Variants in BLK observed in about 807,000 individuals in gnomAD.
BLK encodes BLK proto-oncogene, Src family tyrosine kinase.
Under a neutral mutation model 61.8 loss-of-function variants are expected in BLK, and 64 were observed. That is an observed-to-expected ratio of 1.03 (90% CI 0.85 to 1.27). The LOEUF is 1.27. Among genes scored for constraint, BLK ranks in the 50% most tolerant of loss-of-function variants. BLK has a pLI of 0.00. For synonymous variants in BLK, 351 were observed against 272.0 expected (o/e 1.29, Z -2.86); for missense variants, 853 against 660.5 (o/e 1.29, Z -3.19).
Position 11,549,139 on chromosome 8 carries a change from A to AC in BLK, c.368+23dup. On this transcript the variant is annotated intron_variant, in intron 5 of 12. Coordinates refer to ENST00000259089, the MANE Select transcript of BLK (RefSeq NM_001715.3). ...AATGGAAAGGTAGGTGGGCACGGGA[A>AC]CCCCCCTCGAGCCAAGATGCAGTCA... 1.3e-6 allele frequency: 2 copies of AC among 1,574,326 alleles called. No individual in the cohort carries two copies. Among genetic ancestry groups the AC allele is most frequent in the Admixed American group, 1.8e-5 (1 of 54,260 alleles).
At chr8:11,509,470 G>A (rs370584597) in intron 1 of BLK, 41 of 152,346 alleles carry the variant, frequency 2.7e-4, no homozygotes, top group East Asian at 9.7e-4. Context: ...GTCTCTGTGC[G>A]GCAGACTTGA....
chr8:11,559,580 G>A (rs981712028), intron 10 of BLK, among the ~76,000 whole-genome samples: 3 of 151,954 alleles, frequency 2.0e-5, no homozygotes, highest in Non-Finnish European at 4.4e-5. Context: ...CGGCCCTTCT[G>A]GGCTCTTCTT....
intron 5 of BLK, among the ~76,000 whole-genome samples, chr8:11,549,578 T>G (rs1800810107): frequency 6.6e-6 from 1 of 152,174 alleles, no homozygotes. Context: ...CCCATGGCAC[T>G]GGGAATTTCG....
chr8:11,516,357 G>A (rs763296760), intron 1 of BLK, among the ~76,000 whole-genome samples: 3 of 152,296 alleles, frequency 2.0e-5, no homozygotes, highest in Non-Finnish European at 2.9e-5. Flanking sequence ...CACAGACCCC[G>A]AGTCCTGCAC....
intron 1 of BLK, among the ~76,000 whole-genome samples, chr8:11,496,274 G>C (rs1361370454): frequency 6.6e-6 from 1 of 152,128 alleles, no homozygotes; most frequent in Non-Finnish European, 1.5e-5. Context: ...GTCTTGCTCT[G>C]TTGCCCAGGC....
rs776698336 is a variant in BLK at position 11,549,074 on chromosome 8, A to G, written c.320A>G (p.Tyr107Cys). Reference protein sequence around the residue: ...ARSLVTGREGYVPSNFVARVE... With the variant: ...ARSLVTGREGCVPSNFVARVE... ...TCACTCGTCACAGGAAGAGAAGGCT[A>G]TGTGCCCAGTAACTTTGTGGCCCGA... is the stretch of plus-strand genomic sequence containing the variant. Residue 107 changes from tyrosine (Y) to cysteine (C), a missense_variant, in exon 5 of 13, where the codon TAT (tyrosine) becomes TGT (cysteine). Tyr to Cys is a radical substitution (Grantham distance 194). Coordinates refer to ENST00000259089, the MANE Select transcript of BLK (RefSeq NM_001715.3). 1 of 1,612,010 alleles carries G rather than the reference A, an allele frequency of 6.2e-7. No individual in the cohort carries two copies.
At chr8:11,541,964 A>T (rs561066530) in intron 1 of BLK, among the ~76,000 whole-genome samples, 1 of 152,312 alleles carries the variant, frequency 6.6e-6, no homozygotes, top group Non-Finnish European at 1.5e-5. Flanking sequence ...GTGAATTATT[A>T]TGTGTTCTGT....
chr8:11,535,844 T>C (rs1156302003), intron 1 of BLK, among the ~76,000 whole-genome samples: 1 of 152,166 alleles, frequency 6.6e-6, no homozygotes, highest in East Asian at 1.9e-4. Flanking sequence ...ACTCTATGTG[T>C]AAGAAGGACG....
At chr8:11,541,128 A>G (rs1050363447) in intron 1 of BLK, among the ~76,000 whole-genome samples, 1 of 152,136 alleles carries the variant, frequency 6.6e-6, no homozygotes, top group African/African-American at 2.4e-5. Context: ...TTAGTAGGGC[A>G]TGGTAGCACA....
intron 5 of BLK, among the ~76,000 whole-genome samples, chr8:11,549,368 C>A (rs1211538547): frequency 2.6e-5 from 4 of 152,218 alleles, no homozygotes; most frequent in Admixed American, 6.5e-5. Context: ...TCTCCTGGCT[C>A]CCCTGGATGG....
chr8:11,528,237 G>A (rs1014803160), intron 1 of BLK, among the ~76,000 whole-genome samples: 3 of 152,060 alleles, frequency 2.0e-5, no homozygotes, highest in East Asian at 1.9e-4. Flanking sequence ...GAGTCTTGCT[G>A]TGTTGTCCAG....
chr8:11,547,832 C>T (rs2306232), intron 3 of BLK, among the ~76,000 whole-genome samples, 200 bp from the exon 4 acceptor site: 1 of 151,884 alleles, frequency 6.6e-6, no homozygotes, highest in African/African-American at 2.4e-5. Context: ...GGGTCCACAA[C>T]GGAGGACAGG....
intron 1 of BLK, chr8:11,509,983 A>C (rs1255359448): frequency 6.6e-6 from 1 of 152,182 alleles, no homozygotes; most frequent in Admixed American, 6.5e-5. Flanking sequence ...TTGAGGACTC[A>C]AAATGATCAT....
At position 11,558,243 on chromosome 8, in the gene BLK, C is replaced by T. The variant is rs541007697; in HGVS notation, c.1029+205C>T. ...TGGCCACTGTGCCTCCTGCCCCACG[C>T]AGCTGTGAGGGAGCCCAGGGAATGG... On this transcript the variant is annotated intron_variant, in intron 10 of 12. Transcript: ENST00000259089. 1.7e-4 allele frequency among the ~76,000 whole-genome samples: 26 copies of T among 152,342 alleles called. 1 individual carries two copies. The highest frequency in any genetic ancestry group is 6.8e-3 in the Middle Eastern group (2 of 294).
Position 11,563,094 on chromosome 8 carries a change from G to A in BLK, c.1296G>A (p.Gly432=), listed in dbSNP as rs1801566539. The A allele has an allele frequency of 6.2e-7, 1 of 1,613,822 alleles. No individual in the cohort carries two copies. The highest frequency in any genetic ancestry group is 8.5e-7 in the Non-Finnish European group (1 of 1,180,022). The change falls in exon 12 of 13, where the codon GGG becomes GGA. Residue 432 remains glycine, a synonymous_variant. Coordinates refer to ENST00000259089, the MANE Select transcript of BLK (RefSeq NM_001715.3). ...GVLLMEVVTY[G]RVPYPGMSNP... is the part of the protein sequence containing the mutation. The stretch of plus-strand genomic sequence containing the variant: ...TCCTGATGGAAGTTGTCACTTATGG[G>A]CGGGTGCCATACCCAGGTAGGTGGC...
rs183821435 is a variant in BLK, at chr8:11,520,208, G to A, written c.-1-23016G>A. 3.5e-3 allele frequency among the ~76,000 whole-genome samples: 527 copies of A among 152,188 alleles called. 6 individuals carry two copies. The highest frequency in any genetic ancestry group is 6.5e-4 in the Non-Finnish European group (44 of 68,022). ...TAAGAACCACATAGCCAGGCACGGTGGCTCACAAGTGTAATCCCAGCACTT... is the reference window on the plus strand; with the variant it reads ...TAAGAACCACATAGCCAGGCACGGTAGCTCACAAGTGTAATCCCAGCACTT... On this transcript the variant is annotated intron_variant, in intron 1 of 12. Transcript: ENST00000259089.
chr8:11,545,486 T>G (rs1800589465), intron 2 of BLK, among the ~76,000 whole-genome samples: 1 of 151,972 alleles, frequency 6.6e-6, no homozygotes, highest in Non-Finnish European at 1.5e-5. Context: ...GAGGCGGAGG[T>G]TGCAGTGATC....
intron 1 of BLK, among the ~76,000 whole-genome samples, chr8:11,501,083 C>T (rs1160598857): frequency 2.0e-5 from 3 of 152,002 alleles, no homozygotes; most frequent in Non-Finnish European, 4.4e-5. Flanking sequence ...GTGGCAGGCA[C>T]CTGTAATCCC....
intron 1 of BLK, among the ~76,000 whole-genome samples, chr8:11,512,770 T>G (rs1386656047): frequency 6.6e-6 from 1 of 152,198 alleles, no homozygotes; most frequent in Admixed American, 6.5e-5. Flanking sequence ...TTCAAGTGAT[T>G]CTGCTGTCTC....
Sources: allele counts gnomAD v4.1 joint callset (sites outside exome capture counted in the v4.1 genomes callset), GRCh38; gene constraint gnomAD v4.1.1; transcripts MANE v1.5; gene names NCBI Gene and HGNC (gene_info 2026-07-23, HGNC 2026-07-21).